Variants in ZNF697 observed in about 807,000 individuals in gnomAD.
ZNF697 encodes the protein zinc finger protein 697.
A neutral mutation model predicts 32.4 loss-of-function variants in ZNF697; 23 were observed. The ratio of observed to expected loss-of-function variants is 0.71; its 90% CI spans 0.51 to 1.01. The LOEUF is 1.01. ZNF697 is among the 50% of genes least tolerant of loss of function. The pLI is 0.00. For synonymous variants in ZNF697, 418 were observed against 337.2 expected, an observed-to-expected ratio of 1.24 and a Z score of -2.62; for missense variants, 930 against 794.0, an observed-to-expected ratio of 1.17 and a Z score of -2.06.
chr1:119,623,165 C>A lies in ZNF697; in HGVS notation c.1178G>T (p.Arg393Leu). The A allele has an allele frequency of 6.3e-7, 1 of 1,581,718 alleles. No homozygotes were observed. The highest frequency in any genetic ancestry group is 8.6e-7 in the Non-Finnish European group (1 of 1,165,174). The change falls in exon 3 of 3, where the codon CGC becomes CTC. Residue 393 changes from arginine (R) to leucine (L), a missense_variant. Coordinates refer to ENST00000421812, the MANE Select transcript of ZNF697 (RefSeq NM_001080470.2). Reference protein sequence around the residue: ...CGECGKRFSWRSDLVKHQRVH... With the variant: ...CGECGKRFSWLSDLVKHQRVH... ...GCGCTGGTGCTTCACCAAGTCCGAG[C>A]GCCAGCTGAAGCGCTTGCCGCACTC...
intron 1 of ZNF697, among the ~76,000 whole-genome samples, chr1:119,631,972 A>C (rs916481363): frequency 1.3e-5 from 2 of 152,148 alleles, no homozygotes; most frequent in African/African-American, 4.8e-5. Flanking sequence ...CTGGAAAAAC[A>C]ATTTCAGCCT....
At chr1:119,631,686 G>A (rs587706431) in intron 1 of ZNF697, among the ~76,000 whole-genome samples, 1 of 152,312 alleles carries the variant, frequency 6.6e-6, no homozygotes, top group East Asian at 1.9e-4. Context: ...GTGGCGGGGA[G>A]CCAGGCCGGC....
At chr1:119,634,702 C>G (rs1375270074) in intron 1 of ZNF697, among the ~76,000 whole-genome samples, 2 of 152,048 alleles carry the variant, frequency 1.3e-5, no homozygotes, top group Non-Finnish European at 2.9e-5. Context: ...ACAAAAATGG[C>G]AAAGAAAGGG....
rs143169661 is a variant in ZNF697, at chr1:119,626,000, G to A, written c.101C>T (p.Pro34Leu). ...ATTAGAGCCCATTTCTCTTTCTTCT[G>A]GGTCCCCTTCCCTGTCCTCAGAGTC... ...FEDSEDREGDPEEREMGSNPH... is the reference protein window; with the variant it reads ...FEDSEDREGDLEEREMGSNPH... Residue 34 changes from proline to leucine, a missense_variant, in exon 2 of 3, where the codon CCA becomes CTA. Pro to Leu is a moderately conservative substitution (Grantham distance 98). Coordinates refer to ENST00000421812, the MANE Select transcript of ZNF697 (RefSeq NM_001080470.2). 5.3e-5 allele frequency: 86 copies of A among 1,613,928 alleles called. No homozygotes were observed. In the African/African-American group the frequency reaches 1.1e-3, roughly 21 times the overall value.
rs1649125993 is a variant in ZNF697, at chr1:119,643,349, TAAC to T, written c.-38+4339_-38+4341del. Among the ~76,000 whole-genome samples, 3 of 152,292 alleles carry T rather than the reference TAAC, an allele frequency of 2.0e-5. No homozygotes were observed. In the South Asian group the frequency reaches 6.2e-4, roughly 32 times the overall value. On this transcript the variant is annotated intron_variant, in intron 1 of 2. Coordinates refer to ENST00000421812, the MANE Select transcript of ZNF697 (RefSeq NM_001080470.2). The stretch of plus-strand genomic sequence containing the variant: ...TCCCAAGAACTCTCCTATTCTCCTT[TAAC>T]ATGACTAATGTGCTTCTAACAACCC...
At position 119,625,980 on chromosome 1, in the gene ZNF697, A is replaced by G; in HGVS notation, c.121T>C (p.Ser41Pro). ...CTCTTGTTTGTGTCATGTGGATTAG[A>G]GCCCATTTCTCTTTCTTCTGGGTCC... ...EGDPEEREMGSNPHDTNKREG... is the reference protein window; with the variant it reads ...EGDPEEREMGPNPHDTNKREG... Residue 41 changes from serine to proline, a missense_variant, in exon 2 of 3, where the codon TCT (serine) becomes CCT (proline). Transcript: ENST00000421812. The G allele has an allele frequency of 6.2e-7, 1 of 1,614,008 alleles. No individual in the cohort carries two copies. The highest frequency in any genetic ancestry group is 8.5e-7 in the Non-Finnish European group (1 of 1,179,888).
intron 1 of ZNF697, among the ~76,000 whole-genome samples, chr1:119,644,014 A>C (rs1649144099): frequency 1.3e-5 from 2 of 152,376 alleles, no homozygotes; most frequent in South Asian, 4.1e-4. Context: ...CCAATTCATC[A>C]TTAACTCAGT....
At chr1:119,637,388 G>A (rs761968254) in intron 1 of ZNF697, among the ~76,000 whole-genome samples, 2 of 152,186 alleles carry the variant, frequency 1.3e-5, no homozygotes, top group South Asian at 4.1e-4. Context: ...ATGTGGGCCC[G>A]GTGGCAGGGA....
At chr1:119,627,183 C>G (rs954788048) in intron 1 of ZNF697, among the ~76,000 whole-genome samples, 3 of 152,242 alleles carry the variant, frequency 2.0e-5, no homozygotes, top group African/African-American at 4.8e-5. Context: ...GAGACTAGCT[C>G]TCTGCCTCAG....
rs1249031526 is a variant in ZNF697 at position 119,623,668 on chromosome 1, G to C, written c.675C>G (p.Phe225Leu). Residue 225 changes from phenylalanine (F) to leucine (L), a missense_variant, in exon 3 of 3, where the codon TTC (phenylalanine) becomes TTG (leucine). Physicochemically the swap from Phe to Leu is conservative, Grantham distance 22. Coordinates refer to ENST00000421812, the MANE Select transcript of ZNF697 (RefSeq NM_001080470.2). Reference protein sequence around the residue: ...EAAAAASLEPFGLAGECDAMV... With the variant: ...EAAAAASLEPLGLAGECDAMV... ...TCGCGTCGCACTCGCCCGCCAGGCC[G>C]AAGGGCTCCAGGCTGGCGGCGGCAG... 7.7e-7 allele frequency: 1 copy of C among 1,299,054 alleles called. No homozygotes were observed. The highest frequency in any genetic ancestry group is 1.2e-5 in the South Asian group (1 of 80,274). The allele number at this position is 1,299,054 out of a possible 1,614,324, so 80.5% of individuals were successfully genotyped here.
At chr1:119,646,122 C>T (rs1294111975) in intron 1 of ZNF697, among the ~76,000 whole-genome samples, 3 of 152,090 alleles carry the variant, frequency 2.0e-5, no homozygotes, top group South Asian at 2.1e-4. Flanking sequence ...TCAATCCAGC[C>T]GGTTCTTCTG....
At chr1:119,632,672 G>A (rs1648811252) in intron 1 of ZNF697, among the ~76,000 whole-genome samples, 1 of 152,146 alleles carries the variant, frequency 6.6e-6, no homozygotes, top group Non-Finnish European at 1.5e-5. Context: ...GACAGCCTCA[G>A]CTTATCACAA....
intron 2 of ZNF697, among the ~76,000 whole-genome samples, chr1:119,625,521 C>G (rs1310354958): frequency 6.6e-6 from 1 of 152,194 alleles, no homozygotes; most frequent in African/African-American, 2.4e-5. Flanking sequence ...CTTAGTAACT[C>G]TATATGCAGC....
At chr1:119,638,443 A>G (rs76851406) in intron 1 of ZNF697, among the ~76,000 whole-genome samples, 3 of 152,348 alleles carry the variant, frequency 2.0e-5, no homozygotes, top group Non-Finnish European at 4.4e-5. Flanking sequence ...TCAACACTGT[A>G]AAGTGCTTGG....
intron 1 of ZNF697, among the ~76,000 whole-genome samples, chr1:119,641,154 G>A (rs1017273823): frequency 6.6e-6 from 1 of 152,208 alleles, no homozygotes; most frequent in Non-Finnish European, 1.5e-5. Flanking sequence ...TAGAGAAACA[G>A]AAACAAAAGA....
Position 119,622,982 on chromosome 1 carries a change from T to G in ZNF697, c.1361A>C (p.Asn454Thr), listed in dbSNP as rs748444407. 1.0e-5 allele frequency: 16 copies of G among 1,598,368 alleles called. No homozygotes were observed. The highest frequency in any genetic ancestry group is 1.4e-5 in the Non-Finnish European group (16 of 1,170,538). The part of the protein sequence containing the change: ...KGFGRNSHLV[N>T]HLRVHTGEKP... The stretch of plus-strand genomic sequence containing the variant: ...CTCGCCGGTGTGCACGCGCAGGTGG[T>G]TCACCAGGTGCGAGTTACGCCCGAA... The change falls in exon 3 of 3, where the codon AAC becomes ACC. Residue 454 changes from asparagine (N) to threonine (T), a missense_variant. Asn to Thr is a moderately conservative substitution (Grantham distance 65, BLOSUM62 0). Transcript: ENST00000421812.
At chr1:119,632,317 C>G (rs1212444047) in intron 1 of ZNF697, among the ~76,000 whole-genome samples, 1 of 152,184 alleles carries the variant, frequency 6.6e-6, no homozygotes, top group African/African-American at 2.4e-5. Context: ...ACCCAAAATG[C>G]CAGCCACCCA....
In ZNF697 at chr1:119,619,579, T is replaced by G. The variant is rs1053807238; in HGVS notation, c.*3126A>C. The G allele has an allele frequency of 7.9e-5, 12 of 152,650 alleles. No individual in the cohort carries two copies. The highest frequency in any genetic ancestry group is 2.7e-4 in the African/African-American group (11 of 41,454). 9.5% of individuals were successfully genotyped at this position (152,650 alleles called of 1,614,324 possible). ...ACGAAACCTGTTACTTTTAGGATCA[T>G]TAAATTATTCACTATTTTAACAAAC... On this transcript the variant is annotated 3_prime_UTR_variant, in exon 3 of 3. Transcript: ENST00000421812.
At chr1:119,629,045 G>A (rs1333140677) in intron 1 of ZNF697, among the ~76,000 whole-genome samples, 2 of 152,184 alleles carry the variant, frequency 1.3e-5, no homozygotes, top group African/African-American at 2.4e-5. Flanking sequence ...GAAGTGACTA[G>A]TCCAAAGTCA....
Sources: allele counts gnomAD v4.1 joint callset (sites outside exome capture counted in the v4.1 genomes callset), GRCh38; gene constraint gnomAD v4.1.1; transcripts MANE v1.5; gene names NCBI Gene and HGNC (gene_info 2026-07-23, HGNC 2026-07-21).